The following KIAA2012 variants were observed in gnomAD, a reference collection of about 807,000 sequenced individuals.
KIAA2012 encodes the protein KIAA2012.
KIAA2012 carries 125 observed loss-of-function variants against 150.6 expected under a neutral mutation model. That is an observed-to-expected ratio of 0.83 (90% CI 0.72 to 0.96). KIAA2012 has a LOEUF of 0.96. Among genes scored for constraint, KIAA2012 ranks in the 40% least tolerant of loss-of-function variants. KIAA2012 has a pLI of 0.00. For missense variants in KIAA2012, 1,219 were observed against 1,354.9 expected (o/e 0.90, Z 1.57); for synonymous variants, 462 against 504.7 (o/e 0.92, Z 1.13).
At position 202,194,232 on chromosome 2, in the gene KIAA2012, G is replaced by C; in HGVS notation, c.3057G>C (p.Glu1019Asp). The change falls in exon 21 of 24, where the codon GAG (glutamate) becomes GAC (aspartate). Residue 1019 changes from glutamate to aspartate, a missense_variant. Coordinates refer to ENST00000498697, the MANE Select transcript of KIAA2012 (RefSeq NM_001277372.4). ...QRLQEEQQRQ[E>D]EEERKQQLRL... Reference sequence around the variant, plus strand: ...TCCAAGAAGAACAGCAGCGGCAGGAGGAGGAGGAGAGAAAGCAGCAGCTCC... The same window carrying C: ...TCCAAGAAGAACAGCAGCGGCAGGACGAGGAGGAGAGAAAGCAGCAGCTCC... 1.3e-6 allele frequency: 2 copies of C among 1,550,656 alleles called. No individual in the cohort carries two copies. Among genetic ancestry groups the C allele is most frequent in the Non-Finnish European group, 1.7e-6 (2 of 1,147,014 alleles).
chr2:202,128,075 A>AAAC (rs1208767370), intron 12 of KIAA2012, among the ~76,000 whole-genome samples: 2 of 151,776 alleles, frequency 1.3e-5, no homozygotes, highest in Non-Finnish European at 2.9e-5. Context: ...TTTAGGCCTC[A>AAAC]AACTGACCTC....
intron 11 of KIAA2012, chr2:202,116,747 C>T (rs536493523): frequency 2.0e-5 from 3 of 152,254 alleles, no homozygotes; most frequent in Admixed American, 1.3e-4. Context: ...AACTCTTCTC[C>T]CCTTGAGTGT....
chr2:202,090,739 C>A, intron 2 of KIAA2012, 31 bp from the exon 3 acceptor site: 2 of 1,531,140 alleles, frequency 1.3e-6, no homozygotes, highest in South Asian at 2.5e-5. Context: ...GGGTCAGCAG[C>A]TGTGCTGTTT....
At chr2:202,159,114 A>G (rs1468508810) in intron 14 of KIAA2012, among the ~76,000 whole-genome samples, 2 of 152,206 alleles carry the variant, frequency 1.3e-5, no homozygotes, top group Non-Finnish European at 2.9e-5. Context: ...GTGTACATGC[A>G]TCCCACGAAG....
intron 12 of KIAA2012, chr2:202,137,060 A>C (rs1309224772): frequency 6.6e-6 from 1 of 152,278 alleles, no homozygotes. Context: ...CAAAGAGAAG[A>C]AGATAGCTGA....
intron 15 of KIAA2012, among the ~76,000 whole-genome samples, chr2:202,172,398 A>C (rs1691911841): frequency 6.6e-6 from 1 of 152,262 alleles, no homozygotes; most frequent in Non-Finnish European, 1.5e-5. Flanking sequence ...AATAGTAAAA[A>C]GTCAGGGAAA....
chr2:202,074,603 C>T (rs1689281110), intron 1 of KIAA2012, among the ~76,000 whole-genome samples: 3 of 152,184 alleles, frequency 2.0e-5, no homozygotes, highest in Non-Finnish European at 4.4e-5. Context: ...TACCAGGAAA[C>T]TTTAACTGGC....
chr2:202,141,175 A>G (rs1217366892), intron 13 of KIAA2012, among the ~76,000 whole-genome samples: 1 of 152,128 alleles, frequency 6.6e-6, no homozygotes, highest in African/African-American at 2.4e-5. Context: ...TTGTCTCCTC[A>G]GAGGCTGTCC....
chr2:202,080,539 C>A (rs926358711), intron 2 of KIAA2012, among the ~76,000 whole-genome samples: 1 of 151,736 alleles, frequency 6.6e-6, no homozygotes. Context: ...ACTAAAAATA[C>A]AAAAAAATTA....
intron 15 of KIAA2012, among the ~76,000 whole-genome samples, chr2:202,167,761 T>C (rs1479962024): frequency 4.0e-5 from 6 of 151,736 alleles, no homozygotes; most frequent in African/African-American, 1.5e-4. Context: ...GGAGGATCCC[T>C]AGAGCCCAGG....
At position 202,105,847 on chromosome 2, in the gene KIAA2012, A is replaced by G. The variant is rs1396750223; in HGVS notation, c.1411A>G (p.Thr471Ala). Residue 471 changes from threonine (T) to alanine (A), a missense_variant, in exon 9 of 24, where the codon ACA (threonine) becomes GCA (alanine). Thr to Ala is a moderately conservative substitution (Grantham distance 58). Transcript: ENST00000498697. ...TCCCCTGAAGCATGCGTCCTTAGAA[A>G]CACCATGGGAGTTAACAGTGCATCT... Reference protein sequence around the residue: ...RPPLKHASLETPWELTVHLPV... With the variant: ...RPPLKHASLEAPWELTVHLPV... 1.9e-6 allele frequency: 3 copies of G among 1,550,636 alleles called. No individual in the cohort carries two copies. The African/African-American group carries it at 4.1e-5, about 21-fold the overall frequency.
intron 15 of KIAA2012, among the ~76,000 whole-genome samples, chr2:202,171,426 C>G (rs983200529): frequency 6.6e-6 from 1 of 152,220 alleles, no homozygotes; most frequent in East Asian, 1.9e-4. Context: ...AATAGCGCCG[C>G]TCCGGGTCCC....
intron 10 of KIAA2012, among the ~76,000 whole-genome samples, chr2:202,111,712 C>T (rs1690363148): frequency 6.6e-6 from 1 of 152,046 alleles, no homozygotes; most frequent in Non-Finnish European, 1.5e-5. Context: ...GGCATGGCTG[C>T]ATATGCACGT....
chr2:202,105,640 T>C (rs541283101), intron 8 of KIAA2012, 121 bp from the exon 9 acceptor site: 9 of 1,306,654 alleles, frequency 6.9e-6, no homozygotes, highest in African/African-American at 1.5e-5. Context: ...AATCAGCAAA[T>C]GGACACTGCT....
intron 19 of KIAA2012, 103 bp downstream of exon 19, chr2:202,190,596 C>T: frequency 1.2e-6 from 1 of 837,232 alleles, no homozygotes; most frequent in South Asian, 1.9e-5. Context: ...CTTACTAAAA[C>T]AGCTCGACCA....
intron 7 of KIAA2012, among the ~76,000 whole-genome samples, 177 bp downstream of exon 7, chr2:202,100,626 G>A (rs932813443): frequency 6.6e-6 from 1 of 152,186 alleles, no homozygotes; most frequent in South Asian, 2.1e-4. Context: ...TTTACTAAAG[G>A]TTGAAAATCA....
chr2:202,080,976 A>G (rs1203279041), intron 2 of KIAA2012, among the ~76,000 whole-genome samples: 1 of 152,184 alleles, frequency 6.6e-6, no homozygotes, highest in Non-Finnish European at 1.5e-5. Flanking sequence ...ACTGAACTCC[A>G]TGTCCATGAA....
At chr2:202,096,958 C>T (rs1689900862) in intron 4 of KIAA2012, among the ~76,000 whole-genome samples, 2 of 152,238 alleles carry the variant, frequency 1.3e-5, no homozygotes, top group South Asian at 4.2e-4. Flanking sequence ...GGCTTTTCCA[C>T]AAGTAAAGAG....
At chr2:202,096,549 A>T (rs774667988) in intron 4 of KIAA2012, among the ~76,000 whole-genome samples, 19 of 152,328 alleles carry the variant, frequency 1.2e-4, no homozygotes, top group Non-Finnish European at 2.1e-4. Flanking sequence ...AGTGACACCA[A>T]GGATGGAAAT....
Sources: allele counts gnomAD v4.1 joint callset (sites outside exome capture counted in the v4.1 genomes callset), GRCh38; gene constraint gnomAD v4.1.1; transcripts MANE v1.5; gene names NCBI Gene and HGNC (gene_info 2026-07-23, HGNC 2026-07-21).